CHN1: variants seen among roughly 807,000 people sequenced by gnomAD.
The protein encoded by CHN1 is chimerin 1.
CHN1 carries 37 observed loss-of-function variants against 59.5 expected under a neutral mutation model. The ratio of observed to expected loss-of-function variants is 0.62; its 90% confidence interval spans 0.48 to 0.82. The LOEUF (loss-of-function observed/expected upper bound fraction) is 0.82. Among genes scored for constraint, CHN1 ranks in the 40% least tolerant of loss-of-function variants. The pLI is 0.00. For missense variants in CHN1, 469 were observed against 571.0 expected, an observed-to-expected ratio of 0.82 and a Z score of 1.82; for synonymous variants, 206 against 200.4, an observed-to-expected ratio of 1.03 and a Z score of -0.24.
rs1181004409 is a variant in CHN1 at position 174,895,202 on chromosome 2, A to G, written c.261-17074T>C. Among the ~76,000 whole-genome samples, 5 of 147,106 alleles carry G rather than the reference A, an allele frequency of 3.4e-5. No homozygotes were observed. In the East Asian group the frequency reaches 8.0e-4, roughly 23 times the overall value. ...AGTATATATATGTGTGTGTGTGTAT[A>G]TATATATATATACACACACACACAC... On this transcript the variant is annotated intron_variant, in intron 5 of 12. Coordinates refer to ENST00000409900, the MANE Select transcript of CHN1 (RefSeq NM_001822.7).
intron 7 of CHN1, among the ~76,000 whole-genome samples, chr2:174,845,998 T>C (rs1476147448): frequency 1.3e-5 from 2 of 152,190 alleles, no homozygotes; most frequent in African/African-American, 4.8e-5. Context: ...TAAAACCTAA[T>C]GATACTTTGT....
intron 5 of CHN1, among the ~76,000 whole-genome samples, chr2:174,888,353 T>C (rs1687950575): frequency 6.6e-6 from 1 of 151,950 alleles, no homozygotes; most frequent in Non-Finnish European, 1.5e-5. Flanking sequence ...TAAGAGCAGA[T>C]GGGGAACAAG....
In CHN1 at chr2:174,950,131, A is replaced by G. The variant is rs556975674; in HGVS notation, c.58+2033T>C. 7.3e-4 allele frequency among the ~76,000 whole-genome samples: 111 copies of G among 152,216 alleles called. No homozygotes were observed. The South Asian group carries it at 0.011, about 15-fold the overall frequency. On this transcript the variant is annotated intron_variant, in intron 2 of 12. Transcript: ENST00000409900. ...AATTTTTAAAAATCAACCTGTGGTCACAGCTACTCAGGAGGTTGAAGTGGG... is the reference window on the plus strand; with the variant it reads ...AATTTTTAAAAATCAACCTGTGGTCGCAGCTACTCAGGAGGTTGAAGTGGG...
intron 1 of CHN1, 106 bp from the exon 2 acceptor site, chr2:174,952,308 T>A: frequency 1.4e-6 from 1 of 731,420 alleles, no homozygotes; most frequent in Non-Finnish European, 2.1e-6. Flanking sequence ...CTATTTGTTC[T>A]AGGTATTGTG....
Position 174,810,655 on chromosome 2 carries a change from T to A in CHN1, c.964+856A>T, listed in dbSNP as rs924469846. 3.2e-4 allele frequency among the ~76,000 whole-genome samples: 49 copies of A among 152,214 alleles called. 1 individual carries two copies. The highest frequency in any genetic ancestry group is 5.9e-5 in the Non-Finnish European group (4 of 68,030). On this transcript the variant is annotated intron_variant, in intron 10 of 12. Coordinates refer to ENST00000409900, the MANE Select transcript of CHN1 (RefSeq NM_001822.7). The stretch of plus-strand genomic sequence containing the variant: ...GAATACACCATTAATTCACCTCCCT[T>A]TCTTTGCTCTTATCACATACATGGG...
At chr2:174,844,337 T>TTTCACCTCAG (rs1244555481) in intron 7 of CHN1, among the ~76,000 whole-genome samples, 1 of 152,200 alleles carries the variant, frequency 6.6e-6, no homozygotes, top group Non-Finnish European at 1.5e-5. Flanking sequence ...TTTATTTGGC[T>TTTCACCTCAG]TTCACCTCAG....
chr2:174,849,845 G>A (rs576414996), intron 6 of CHN1, among the ~76,000 whole-genome samples: 27 of 152,244 alleles, frequency 1.8e-4, no homozygotes, highest in African/African-American at 5.3e-4. Context: ...TAGGTGGGGG[G>A]GCTGGGCTCA....
chr2:174,889,013 T>C (rs948175849), intron 5 of CHN1, among the ~76,000 whole-genome samples: 1 of 152,162 alleles, frequency 6.6e-6, no homozygotes, highest in Non-Finnish European at 1.5e-5. Flanking sequence ...ACGTCTCACT[T>C]GATTCAGGGG....
chr2:174,948,794 A>G (rs1332878194), intron 2 of CHN1, among the ~76,000 whole-genome samples: 2 of 152,194 alleles, frequency 1.3e-5, no homozygotes, highest in Admixed American at 1.3e-4. Flanking sequence ...ATGAATTGAC[A>G]TACCTAATTA....
intron 5 of CHN1, among the ~76,000 whole-genome samples, chr2:174,913,776 C>T (rs573665509): frequency 4.6e-5 from 7 of 152,244 alleles, no homozygotes; most frequent in Admixed American, 6.5e-5. Context: ...AGGCCCTGCT[C>T]GCTCACACAG....
At chr2:174,891,823 AAAACC>A (rs1158185755) in intron 5 of CHN1, among the ~76,000 whole-genome samples, 1 of 152,142 alleles carries the variant, frequency 6.6e-6, no homozygotes, top group African/African-American at 2.4e-5. Context: ...CAGAGGAAAA[AAAACC>A]AACTATGAGT....
intron 2 of CHN1, 80 bp downstream of exon 2, chr2:174,952,084 T>C: frequency 2.4e-6 from 2 of 845,268 alleles, no homozygotes; most frequent in Non-Finnish European, 3.4e-6. Context: ...CAAAATGGAA[T>C]GAGTATTTCT....
intron 1 of CHN1, among the ~76,000 whole-genome samples, chr2:174,989,125 C>G (rs926697691): frequency 6.6e-6 from 1 of 152,060 alleles, no homozygotes; most frequent in Non-Finnish European, 1.5e-5. Context: ...CACCTGTAAT[C>G]CCAGCATTTA....
At chr2:174,934,406 G>A (rs1689438501) in intron 3 of CHN1, among the ~76,000 whole-genome samples, 1 of 152,186 alleles carries the variant, frequency 6.6e-6, no homozygotes, top group African/African-American at 2.4e-5. Context: ...CAGAGCTCAG[G>A]CAGTAATGTG....
intron 1 of CHN1, among the ~76,000 whole-genome samples, chr2:174,987,265 TTCAAGGG>T (rs539155359): frequency 1.3e-4 from 20 of 152,120 alleles, no homozygotes; most frequent in Admixed American, 2.0e-4. Context: ...AAGCATCATG[TTCAAGGG>T]TCAACTCTAG....
At chr2:174,855,304 G>A (rs1278745666) in intron 6 of CHN1, among the ~76,000 whole-genome samples, 2 of 152,156 alleles carry the variant, frequency 1.3e-5, no homozygotes, top group Non-Finnish European at 2.9e-5. Flanking sequence ...AAGCACCACA[G>A]AGGAATGTTC....
chr2:174,878,228 G>GT, intron 5 of CHN1, 100 bp from the exon 6 acceptor site: 2 of 1,071,694 alleles, frequency 1.9e-6, no homozygotes, highest in Non-Finnish European at 2.6e-6. Context: ...GCTTTGTTTT[G>GT]TGTGTGTCTT....
chr2:174,826,456 CACTT>C (rs1558940568), intron 7 of CHN1, among the ~76,000 whole-genome samples: 2 of 152,142 alleles, frequency 1.3e-5, no homozygotes, highest in African/African-American at 2.4e-5. Flanking sequence ...GATGCAAACT[CACTT>C]ATAGGTTGCC....
At position 174,799,291 on chromosome 2, in the gene CHN1, T is replaced by C; in HGVS notation, c.*825A>G. 2.9e-6 allele frequency: 1 copy of C among 345,836 alleles called. No homozygotes were observed. The highest frequency in any genetic ancestry group is 2.7e-5 in the South Asian group (1 of 37,338). 21.4% of individuals were successfully genotyped at this position (345,836 alleles called of 1,614,324 possible). A position where few individuals can be genotyped will look rare whatever the true frequency, so the allele number is the denominator to read the frequency against. ...AATGATTATTTTAGAAGCTTATCAC[T>C]TTTAACAGTAAACAAAAGAGGTCAG... On this transcript the variant is annotated 3_prime_UTR_variant, in exon 13 of 13. Coordinates refer to ENST00000409900, the MANE Select transcript of CHN1 (RefSeq NM_001822.7).
Sources: gnomAD v4.1 joint callset for allele counts (sites outside exome capture counted in the v4.1 genomes callset) on GRCh38, gnomAD v4.1.1 for gene constraint, MANE v1.5 for transcripts, NCBI Gene and HGNC (gene_info 2026-07-23, HGNC 2026-07-21) for gene names.